Variants in PRRC2C observed in about 807,000 individuals in gnomAD.
PRRC2C encodes proline rich coiled-coil 2C.
A neutral mutation model predicts 317.2 loss-of-function variants in PRRC2C; 72 were observed. The observed-to-expected ratio is 0.23, with a 90% CI of 0.19 to 0.28. The LOEUF (loss-of-function observed/expected upper bound fraction) is 0.28. Ranked by LOEUF, PRRC2C falls within the 10% of genes least tolerant of loss-of-function variation. The pLI is 1.00. For synonymous variants in PRRC2C, 1,296 were observed against 1,205.9 expected (o/e 1.07, Z -1.55); for missense variants, 3,074 against 3,459.7 (o/e 0.89, Z 2.80).
intron 1 of PRRC2C, among the ~76,000 whole-genome samples, chr1:171,507,764 C>T (rs1045992078): frequency 3.3e-5 from 5 of 152,152 alleles, no homozygotes; most frequent in African/African-American, 1.2e-4. Context: ...GGCTTGTTAA[C>T]AATATTAATT....
intron 11 of PRRC2C, among the ~76,000 whole-genome samples, 174 bp from the exon 12 acceptor site, chr1:171,532,169 T>C (rs569403426): frequency 6.0e-4 from 91 of 152,370 alleles, no homozygotes; most frequent in African/African-American, 2.1e-3. Context: ...GGTCTTAGTT[T>C]GGTGAATTAT....
intron 12 of PRRC2C, among the ~76,000 whole-genome samples, chr1:171,533,566 G>T (rs1052412492): frequency 1.3e-5 from 2 of 152,102 alleles, no homozygotes; most frequent in East Asian, 3.8e-4. Context: ...ATAGTATAAA[G>T]CCTTGGCAAA....
chr1:171,517,446 GAAAGCA>G (rs1382129141), intron 5 of PRRC2C, 139 bp from the exon 6 acceptor site: 4 of 738,702 alleles, frequency 5.4e-6, no homozygotes, highest in Non-Finnish European at 6.6e-6. Context: ...CAAACAACTT[GAAAGCA>G]TTAGTAGGAC....
chr1:171,532,851 A>C lies in PRRC2C; in HGVS notation c.1763A>C (p.Glu588Ala), dbSNP rs765104696. 6.2e-7 allele frequency: 1 copy of C among 1,602,728 alleles called. No individual in the cohort carries two copies. The highest frequency in any genetic ancestry group is 1.1e-5 in the South Asian group (1 of 87,592). ...CAAAAGATGAAAGAACAAGAAAAGG[A>C]ATGTGAGCTGGAGAAGGAAAGGGAA... ...ELQKMKEQEKECELEKEREKL... is the reference protein window; with the variant it reads ...ELQKMKEQEKACELEKEREKL... Residue 588 changes from glutamate (E) to alanine (A), a missense_variant, in exon 12 of 35, where the codon GAA becomes GCA. By Grantham distance (107) the Glu-to-Ala change is moderately radical (BLOSUM62 -1). This residue lies in a region of PRRC2C where 1,320 missense variants were observed against 1,395.7 expected (regional missense o/e 0.95). Transcript: ENST00000647382.
Position 171,541,056 on chromosome 1 carries a change from C to A in PRRC2C, c.3590C>A (p.Ser1197Tyr). The change falls in exon 16 of 35, where the codon TCC (serine) becomes TAC (tyrosine). Residue 1197 changes from serine (S) to tyrosine (Y), a missense_variant. Physicochemically the swap from Ser to Tyr is moderately radical, Grantham distance 144. This residue lies in a region of PRRC2C where 1,320 missense variants were observed against 1,395.7 expected (regional missense o/e 0.95). Coordinates refer to ENST00000647382, the MANE Select transcript of PRRC2C (RefSeq NM_001387844.1). This position sits in a 1 kb window ranked among gnomAD's most constrained non-coding sequence, Gnocchi z 4.1. ...GGTCGAGGCCGAGGTGAATATTACT[C>A]CAGAGGTCGAAGCTATAGAGGTTCT... ...YRGRGRGEYY[S>Y]RGRSYRGSYG... 6.2e-7 allele frequency: 1 copy of A among 1,613,000 alleles called. No homozygotes were observed. Among genetic ancestry groups the A allele is most frequent in the Non-Finnish European group, 8.5e-7 (1 of 1,179,576 alleles).
At position 171,575,058 on chromosome 1, in the gene PRRC2C, C is replaced by T. The variant is rs775340395; in HGVS notation, c.6885C>T (p.Tyr2295=). The T allele has an allele frequency of 6.2e-7, 1 of 1,613,888 alleles. No homozygotes were observed. The highest frequency in any genetic ancestry group is 8.5e-7 in the Non-Finnish European group (1 of 1,179,858). ...CCAGTGGACCAAGCACTGCTAATTACAATTCGTTCTCAAGTGCATCCATGC... is the reference window on the plus strand; with the variant it reads ...CCAGTGGACCAAGCACTGCTAATTATAATTCGTTCTCAAGTGCATCCATGC... The part of the protein sequence containing the change: ...SSASGPSTAN[Y]NSFSSASMPQ... The change falls in exon 25 of 35, where the codon TAC becomes TAT. Residue 2295 remains tyrosine, a synonymous_variant. Coordinates refer to ENST00000647382, the MANE Select transcript of PRRC2C (RefSeq NM_001387844.1).
chr1:171,549,579 T>C (rs1380769223), intron 17 of PRRC2C, among the ~76,000 whole-genome samples: 1 of 152,144 alleles, frequency 6.6e-6, no homozygotes, highest in Non-Finnish European at 1.5e-5. Context: ...TTAGGATTTT[T>C]TGGACAGAGT....
intron 15 of PRRC2C, among the ~76,000 whole-genome samples, chr1:171,539,142 C>T (rs1677431753): frequency 6.6e-6 from 1 of 152,122 alleles, no homozygotes; most frequent in Non-Finnish European, 1.5e-5. Context: ...GCTGGGATTA[C>T]AGGCATGTGC....
In PRRC2C at chr1:171,577,620, T is replaced by C. The variant is rs1647308641; in HGVS notation, c.7142T>C (p.Val2381Ala). The C allele has an allele frequency of 6.2e-7, 1 of 1,612,798 alleles. No homozygotes were observed. Among genetic ancestry groups the C allele is most frequent in the African/African-American group, 1.3e-5 (1 of 74,888 alleles). ...AQQQQNPQVY[V>A]SQSAAAQIPA... is the part of the protein sequence containing the mutation. ...CAGCAACAGAATCCGCAAGTTTATGTGTCTCAGTCTGCAGCAGGTAATGTT... is the reference window on the plus strand; with the variant it reads ...CAGCAACAGAATCCGCAAGTTTATGCGTCTCAGTCTGCAGCAGGTAATGTT... The change falls in exon 26 of 35, where the codon GTG (valine) becomes GCG (alanine). Residue 2381 changes from valine to alanine, a missense_variant. Val to Ala is a moderately conservative substitution (Grantham distance 64). Coordinates refer to ENST00000647382, the MANE Select transcript of PRRC2C (RefSeq NM_001387844.1).
At chr1:171,565,974 T>C (rs1244507337) in intron 20 of PRRC2C, among the ~76,000 whole-genome samples, 2 of 152,236 alleles carry the variant, frequency 1.3e-5, no homozygotes, top group Non-Finnish European at 2.9e-5. Flanking sequence ...CTTGAAGCTG[T>C]GCTTTGCCCA....
rs144381599 is a variant in PRRC2C at position 171,556,236 on chromosome 1, G to A, written c.5128-1004G>A. Among the ~76,000 whole-genome samples, 619 of 152,364 alleles carry A rather than the reference G, an allele frequency of 4.1e-3. 6 individuals are homozygous for A. The highest frequency in any genetic ancestry group is 0.014 in the African/African-American group (591 of 41,594). On this transcript the variant is annotated intron_variant, in intron 18 of 34. Coordinates refer to ENST00000647382, the MANE Select transcript of PRRC2C (RefSeq NM_001387844.1). ...GGGCGTGGGACCTGCCGAGCCAGGC[G>A]TGGGATATAATCTCCTGGTGTGCCG...
chr1:171,504,098 C>G (rs1669707653), intron 1 of PRRC2C, among the ~76,000 whole-genome samples: 1 of 152,102 alleles, frequency 6.6e-6, no homozygotes, highest in Non-Finnish European at 1.5e-5. Context: ...TGCTTACTTA[C>G]CATTTGTATA....
chr1:171,540,625 A>G lies in PRRC2C; in HGVS notation c.3159A>G (p.Glu1053=). Residue 1053 remains glutamate (E), a synonymous_variant, in exon 16 of 35, where the codon GAA becomes GAG. Transcript: ENST00000647382. ...KVTEKVVVKP[E]KTEKKDLPPP... ...CTGAAAAAGTAGTTGTAAAGCCTGA[A>G]AAGACGGAAAAGAAGGATCTTCCTC... The G allele has an allele frequency of 1.2e-6, 2 of 1,613,940 alleles. No homozygotes were observed. The highest frequency in any genetic ancestry group is 1.7e-6 in the Non-Finnish European group (2 of 1,179,874).
At chr1:171,501,815 G>A (rs1669167472) in intron 1 of PRRC2C, among the ~76,000 whole-genome samples, 1 of 152,186 alleles carries the variant, frequency 6.6e-6, no homozygotes, top group African/African-American at 2.4e-5. Flanking sequence ...TGTTTCAAGG[G>A]TTTTGGGATT....
intron 11 of PRRC2C, 147 bp downstream of exon 11, chr1:171,527,991 T>C: frequency 3.2e-6 from 2 of 621,528 alleles, no homozygotes; most frequent in Non-Finnish European, 5.7e-6. Flanking sequence ...CTCTTCATCC[T>C]TTTCATTTTC....
chr1:171,521,163 A>G (rs1673476492), intron 6 of PRRC2C, among the ~76,000 whole-genome samples: 1 of 152,210 alleles, frequency 6.6e-6, no homozygotes, highest in Non-Finnish European at 1.5e-5. Context: ...CAAATGTAAG[A>G]ATTTTCTTAT....
Position 171,550,349 on chromosome 1 carries a change from G to A in PRRC2C, c.5127+109G>A, listed in dbSNP as rs977780730. ...TGTCAAGGCTGTTTTCATTATTCAA[G>A]TGTTAAAAGTGACATCATCTTCCCA... On this transcript the variant is annotated intron_variant, in intron 18 of 34. Coordinates refer to ENST00000647382, the MANE Select transcript of PRRC2C (RefSeq NM_001387844.1). 12 of 910,018 alleles carry A rather than the reference G, an allele frequency of 1.3e-5. No homozygotes were observed. In the Admixed American group the frequency reaches 1.8e-4, roughly 14 times the overall value. 56.4% of individuals were successfully genotyped at this position (910,018 alleles called of 1,614,324 possible).
intron 15 of PRRC2C, among the ~76,000 whole-genome samples, chr1:171,539,443 A>G (rs989625041): frequency 4.6e-5 from 7 of 152,244 alleles, no homozygotes; most frequent in Non-Finnish European, 1.0e-4. Context: ...TTTATCTTGC[A>G]TGACTGAAAC....
intron 1 of PRRC2C, among the ~76,000 whole-genome samples, chr1:171,501,547 A>G (rs1447827082): frequency 6.6e-6 from 1 of 152,200 alleles, no homozygotes; most frequent in Non-Finnish European, 1.5e-5. Flanking sequence ...TTCCTTAAAC[A>G]GAGAAAGAAA....
Sources: gnomAD v4.1 joint callset for allele counts (sites outside exome capture counted in the v4.1 genomes callset) on GRCh38, gnomAD v4.1.1 for gene constraint, gnomAD v4.1.1 regional missense constraint, Gnocchi (gnomAD v3.1) non-coding constraint, MANE v1.5 for transcripts, NCBI Gene and HGNC (gene_info 2026-07-23, HGNC 2026-07-21) for gene names.